RFX1: variants seen among roughly 807,000 people sequenced by gnomAD.
The protein encoded by RFX1 is regulatory factor X1.
Under a neutral mutation model 119.6 loss-of-function variants are expected in RFX1, and 42 were observed. The ratio of observed to expected loss-of-function variants is 0.35; its 90% CI spans 0.27 to 0.45. RFX1 has a LOEUF of 0.45. RFX1 is among the 20% of genes least tolerant of loss of function. The probability of loss-of-function intolerance (pLI) is 1.00; values close to 1 mark genes in which losing one functional copy is unlikely to be tolerated. For missense variants in RFX1, 1,118 were observed against 1,368.1 expected (o/e 0.82, Z 2.88); for synonymous variants, 628 against 618.5 (o/e 1.02, Z -0.23).
rs1471082921 is a variant in RFX1, at chr19:13,994,898, A to G, written c.-52-1003T>C. On this transcript the variant is annotated intron_variant, in intron 1 of 20. Coordinates refer to ENST00000254325, the MANE Select transcript of RFX1 (RefSeq NM_002918.5). ...TGTATATTGAAATATACATACATAT[A>G]TATATATATATATATATATATATAT... Among the ~76,000 whole-genome samples the G allele has an allele frequency of 3.0e-4, 8 of 27,074 alleles. No homozygotes were observed. In the East Asian group the frequency reaches 7.3e-3, roughly 25 times the overall value. 17.8% of individuals were successfully genotyped at this position (27,074 alleles called of 152,430 possible). A position where few individuals can be genotyped will look rare whatever the true frequency, so the allele number is the denominator to read the frequency against.
rs761727061 is a variant in RFX1 at position 13,969,109 on chromosome 19, C to A, written c.1497-215G>T. 3.9e-5 allele frequency among the ~76,000 whole-genome samples: 6 copies of A among 152,146 alleles called. No individual in the cohort carries two copies. Among genetic ancestry groups the A allele is most frequent in the Non-Finnish European group, 7.3e-5 (5 of 68,028 alleles). Reference sequence around the variant, plus strand: ...CCCAAGATTATGCATAAATGAATGGCTGAATGGATGAATGGCTGAACGAGG... The same window carrying A: ...CCCAAGATTATGCATAAATGAATGGATGAATGGATGAATGGCTGAACGAGG... On this transcript the variant is annotated intron_variant, in intron 10 of 20. Transcript: ENST00000254325. The surrounding 1 kb of genome is among the most constrained non-coding windows in gnomAD (Gnocchi z 4.5).
intron 1 of RFX1, among the ~76,000 whole-genome samples, chr19:13,994,931 T>TATATAAAA (rs1974955505): frequency 8.7e-6 from 1 of 114,590 alleles, no homozygotes; most frequent in African/African-American, 3.4e-5. Flanking sequence ...TATATATATA[T>TATATAAAA]ATATATAATC....
chr19:13,991,561 A>C (rs960580991), intron 2 of RFX1, among the ~76,000 whole-genome samples: 3 of 151,964 alleles, frequency 2.0e-5, no homozygotes, highest in Admixed American at 6.6e-5. Flanking sequence ...TCTGCCAGAG[A>C]CCCTGGACCT....
At position 13,993,889 on chromosome 19, in the gene RFX1, T is replaced by TTA; in HGVS notation, c.-48_-47dup. ...TAATAAATAAGGCTTTTTTTTTTTT[T>TTA]TAATTCCTTGGGAAGAAAGACGGGG... On this transcript the variant is annotated 5_prime_UTR_variant, in exon 2 of 21. Coordinates refer to ENST00000254325, the MANE Select transcript of RFX1 (RefSeq NM_002918.5). 7.1e-7 allele frequency: 1 copy of TTA among 1,408,860 alleles called. No individual in the cohort carries two copies. Among genetic ancestry groups the TTA allele is most frequent in the Non-Finnish European group, 9.6e-7 (1 of 1,046,756 alleles). The allele number at this position is 1,408,860 out of a possible 1,614,324, so 87.3% of individuals were successfully genotyped here. A position where few individuals can be genotyped will look rare whatever the true frequency, so the allele number is the denominator to read the frequency against.
At position 13,980,375 on chromosome 19, in the gene RFX1, C is replaced by T. The variant is rs777283541; in HGVS notation, c.738+198G>A. ...CAGGAGGTTCAAATTTCGTCCTCCC[C>T]GCGGCTCCCCCATCCTCTAGCCCCA... is the stretch of plus-strand genomic sequence containing the variant. On this transcript the variant is annotated intron_variant, in intron 6 of 20. Transcript: ENST00000254325. This position sits in a 1 kb window ranked among gnomAD's most constrained non-coding sequence, Gnocchi z 5.1. Among the ~76,000 whole-genome samples the T allele has an allele frequency of 2.6e-4, 40 of 152,228 alleles. No individual in the cohort carries two copies. Among genetic ancestry groups the T allele is most frequent in the Non-Finnish European group, 4.3e-4 (29 of 68,036 alleles).
chr19:13,984,073 C>A (rs1323057237), intron 2 of RFX1, among the ~76,000 whole-genome samples: 1 of 151,792 alleles, frequency 6.6e-6, no homozygotes, highest in African/African-American at 2.4e-5. Flanking sequence ...GTCTTGCTAG[C>A]CTGTGGCCAA....
rs981608900 is a variant in RFX1, at chr19:13,969,193, C to G, written c.1497-299G>C. Among the ~76,000 whole-genome samples, 4 of 152,046 alleles carry G rather than the reference C, an allele frequency of 2.6e-5. No individual in the cohort carries two copies. Among genetic ancestry groups the G allele is most frequent in the African/African-American group, 9.7e-5 (4 of 41,392 alleles). ...GAGCGGAGGTGAGCCATGGGGGTTG[C>G]AAAGGAGAGGAAGAGAGGGGCGGGT... On this transcript the variant is annotated intron_variant, in intron 10 of 20. Transcript: ENST00000254325. This position sits in a 1 kb window ranked among gnomAD's most constrained non-coding sequence, Gnocchi z 4.5.
chr19:13,988,581 G>A (rs1328204581), intron 2 of RFX1, among the ~76,000 whole-genome samples: 1 of 152,190 alleles, frequency 6.6e-6, no homozygotes, highest in Non-Finnish European at 1.5e-5. Flanking sequence ...GATGGGACAT[G>A]ATGGCTGTGC....
chr19:13,984,038 T>C lies in RFX1; in HGVS notation c.320-443A>G, dbSNP rs1399270949. Among the ~76,000 whole-genome samples, 5 of 152,158 alleles carry C rather than the reference T, an allele frequency of 3.3e-5. No individual in the cohort carries two copies. In the East Asian group the frequency reaches 7.8e-4, roughly 24 times the overall value. On this transcript the variant is annotated intron_variant, in intron 2 of 20. Transcript: ENST00000254325. ...ACCCTGGCTTCCCGGGAGTGGAAGC[T>C]GCTCGGAGGAGTGGTCCCTGGAAGG...
At chr19:13,998,090 T>C (rs1975095734) in intron 1 of RFX1, 1 of 152,196 alleles carries the variant, frequency 6.6e-6, no homozygotes, top group Middle Eastern at 3.2e-3. Flanking sequence ...CCTGGCGCTA[T>C]GTCTTAACTC....
intron 3 of RFX1, 68 bp downstream of exon 3, chr19:13,983,418 C>CCGAGGA: frequency 7.5e-7 from 1 of 1,332,820 alleles, no homozygotes; most frequent in Non-Finnish European, 1.0e-6. Flanking sequence ...GGTGAGGCCC[C>CCGAGGA]CGAGGACGCA....
chr19:13,968,770 C>CCTA lies in RFX1; in HGVS notation c.1616+2_1616+4dup. ...CCTGCCCTGGGTCCGGCCCTGCCTTCCTACCTCTGCTTCTGCGAGAAGGGC... is the reference window on the plus strand; with the variant it reads ...CCTGCCCTGGGTCCGGCCCTGCCTTCCTACTACCTCTGCTTCTGCGAGAAGGGC... On this transcript the variant is annotated splice_donor_region_variant and intron_variant, in intron 11 of 20. Coordinates refer to ENST00000254325, the MANE Select transcript of RFX1 (RefSeq NM_002918.5). The surrounding 1 kb of genome is among the most constrained non-coding windows in gnomAD (Gnocchi z 5.5). The CCTA allele has an allele frequency of 6.2e-7, 1 of 1,601,560 alleles. No homozygotes were observed. The highest frequency in any genetic ancestry group is 8.5e-7 in the Non-Finnish European group (1 of 1,174,412).
At chr19:13,964,181 C>A in intron 16 of RFX1, 174 bp from the exon 17 acceptor site, 1 of 635,622 alleles carries the variant, frequency 1.6e-6, no homozygotes, top group Non-Finnish European at 2.6e-6. Context: ...CTTTGGGTGT[C>A]CACTCACAAG....
chr19:13,962,674 T>TGGGGGGGGGGGGGGG lies in RFX1; in HGVS notation c.*20_*21insCCCCCCCCCCCCCCC. 2.8e-6 allele frequency: 1 copy of TGGGGGGGGGGGGGGG among 356,496 alleles called. No individual in the cohort carries two copies. Among genetic ancestry groups the TGGGGGGGGGGGGGGG allele is most frequent in the Non-Finnish European group, 3.2e-6 (1 of 314,616 alleles). The allele number at this position is 356,496 out of a possible 1,614,324, so 22.1% of individuals were successfully genotyped here. A position where few individuals can be genotyped will look rare whatever the true frequency, so the allele number is the denominator to read the frequency against. On this transcript the variant is annotated 3_prime_UTR_variant, in exon 21 of 21. Transcript: ENST00000254325. ...GGCGTGGAGGGGTGGCGGGGGCGGG[T>TGGGGGGGGGGGGGGG]GGGGCGGGGAGGCCAAGGGCTTAGC... is the stretch of plus-strand genomic sequence containing the variant.
Position 13,969,686 on chromosome 19 carries a change from G to A in RFX1, c.1496+308C>T, listed in dbSNP as rs1367820943. Reference sequence around the variant, plus strand: ...AAAAAAAAAAAAAAGTCACGTGTGAGCGTGCTGAATGCTAAAGAGAAAAAT... The same window carrying A: ...AAAAAAAAAAAAAAGTCACGTGTGAACGTGCTGAATGCTAAAGAGAAAAAT... On this transcript the variant is annotated intron_variant, in intron 10 of 20. Transcript: ENST00000254325. This position sits in a 1 kb window ranked among gnomAD's most constrained non-coding sequence, Gnocchi z 4.5. 2 of 307,696 alleles carry A rather than the reference G, an allele frequency of 6.5e-6. No homozygotes were observed. Among genetic ancestry groups the A allele is most frequent in the Non-Finnish European group, 1.2e-5 (2 of 166,072 alleles). 19.1% of individuals were successfully genotyped at this position (307,696 alleles called of 1,614,324 possible). A position where few individuals can be genotyped will look rare whatever the true frequency, so the allele number is the denominator to read the frequency against.
In RFX1 at chr19:13,982,304, C is replaced by A; in HGVS notation, c.514-76G>T. On this transcript the variant is annotated intron_variant, in intron 4 of 20. Coordinates refer to ENST00000254325, the MANE Select transcript of RFX1 (RefSeq NM_002918.5). ...AGTTGCACCGAGCATCTGCGCAGTG[C>A]CAGGTGACATTCTAAGTGCTTCACG... 5.1e-6 allele frequency: 4 copies of A among 789,956 alleles called. No individual in the cohort carries two copies. The African/African-American group carries it at 5.3e-5, about 11-fold the overall frequency. 48.9% of individuals were successfully genotyped at this position (789,956 alleles called of 1,614,324 possible). A position where few individuals can be genotyped will look rare whatever the true frequency, so the allele number is the denominator to read the frequency against.
At position 13,962,469 on chromosome 19, in the gene RFX1, G is replaced by A; in HGVS notation, c.*226C>T. The A allele has an allele frequency of 1.9e-6, 1 of 518,922 alleles. No individual in the cohort carries two copies. The highest frequency in any genetic ancestry group is 3.4e-6 in the Non-Finnish European group (1 of 295,890). 32.1% of individuals were successfully genotyped at this position (518,922 alleles called of 1,614,324 possible). ...CCCGCGGGGCACCTGGGCACGCGGCGGGTTCCTTAAGGCACGTCTTTTGTG... is the reference window on the plus strand; with the variant it reads ...CCCGCGGGGCACCTGGGCACGCGGCAGGTTCCTTAAGGCACGTCTTTTGTG... On this transcript the variant is annotated 3_prime_UTR_variant, in exon 21 of 21. Coordinates refer to ENST00000254325, the MANE Select transcript of RFX1 (RefSeq NM_002918.5).
chr19:13,983,310 C>G (rs780534906), intron 3 of RFX1, 40 bp from the exon 4 acceptor site: 16 of 1,497,954 alleles, frequency 1.1e-5, no homozygotes, highest in African/African-American at 1.4e-5. Context: ...TGCCACTTCC[C>G]CCAGGGAGGC....
chr19:13,963,660 G>A lies in RFX1; in HGVS notation c.2448C>T (p.Asn816=). ...GCCAGGCCGCCCACTGCTCCAGCGAGTTCTGCTGCTGCAGCGTCACCTTGA... is the reference window on the plus strand; with the variant it reads ...GCCAGGCCGCCCACTGCTCCAGCGAATTCTGCTGCTGCAGCGTCACCTTGA... ...QDFKVTLQQQ[N]SLEQWAAWLD... is the part of the protein sequence containing the mutation. The change falls in exon 18 of 21, where the codon AAC becomes AAT. Residue 816 remains asparagine, a synonymous_variant. Coordinates refer to ENST00000254325, the MANE Select transcript of RFX1 (RefSeq NM_002918.5). The A allele has an allele frequency of 6.2e-7, 1 of 1,603,478 alleles. No homozygotes were observed.
Sources: gnomAD v4.1 joint callset for allele counts (sites outside exome capture counted in the v4.1 genomes callset) on GRCh38, gnomAD v4.1.1 for gene constraint, Gnocchi (gnomAD v3.1) non-coding constraint, MANE v1.5 for transcripts, NCBI Gene and HGNC (gene_info 2026-07-23, HGNC 2026-07-21) for gene names.